Variants in DIS3L2 observed in about 807,000 individuals in gnomAD.
DIS3L2 encodes DIS3 like 3'-5' exoribonuclease 2, also known as DIS3-like exonuclease 2.
DIS3L2 carries 34 observed loss-of-function variants against 97.5 expected under a neutral mutation model. The observed-to-expected ratio is 0.35, with a 90% confidence interval of 0.27 to 0.46. The LOEUF (loss-of-function observed/expected upper bound fraction) is 0.46, where lower values mean the gene tolerates loss of function less well. Among genes scored for constraint, DIS3L2 ranks in the 20% least tolerant of loss-of-function variants. The pLI is 1.00. For missense variants in DIS3L2, 1,038 were observed against 1,146.0 expected (o/e 0.91, Z 1.36); for synonymous variants, 435 against 445.2 (o/e 0.98, Z 0.29).
At chr2:232,274,985 G>A (rs1694103774) in intron 13 of DIS3L2, among the ~76,000 whole-genome samples, 1 of 152,104 alleles carries the variant, frequency 6.6e-6, no homozygotes, top group African/African-American at 2.4e-5. Context: ...AAATCTAAGT[G>A]CCCCAGCCTT....
chr2:232,263,108 TA>T, intron 12 of DIS3L2, 98 bp from the exon 13 acceptor site: 1 of 1,266,612 alleles, frequency 7.9e-7, no homozygotes. Context: ...CAGTGCTCAA[TA>T]AATCTTTGTT....
intron 6 of DIS3L2, among the ~76,000 whole-genome samples, chr2:232,091,106 T>G (rs1310954255): frequency 6.6e-6 from 1 of 152,224 alleles, no homozygotes; most frequent in Non-Finnish European, 1.5e-5. Context: ...TTTTACCACT[T>G]TACAAGCAGT....
intron 14 of DIS3L2, 28 bp from the exon 15 acceptor site, chr2:232,329,785 T>TGCCCGGGGGGGGA: frequency 1.0e-6 from 1 of 967,144 alleles, no homozygotes; most frequent in Non-Finnish European, 1.5e-6. Flanking sequence ...ACCCCAGCGG[T>TGCCCGGGGGGGGA]CCCTCCCATC....
intron 1 of DIS3L2, among the ~76,000 whole-genome samples, chr2:231,978,077 G>T (rs563120864): frequency 3.5e-4 from 54 of 152,258 alleles, no homozygotes; most frequent in Non-Finnish European, 6.3e-4. Flanking sequence ...GATTTTCAGT[G>T]GAAAAGATTG....
rs79410303 is a variant in DIS3L2, at chr2:232,136,961, A to G, written c.950+242A>G. On this transcript the variant is annotated intron_variant, in intron 8 of 20. Coordinates refer to ENST00000325385, the MANE Select transcript of DIS3L2 (RefSeq NM_152383.5). The stretch of plus-strand genomic sequence containing the variant: ...TTGTTTTTTGGCGTAAAACATGAAC[A>G]TTCCGAGCCTCTACTTATTTAGTTA... 0.056 allele frequency among the ~76,000 whole-genome samples: 8,532 copies of G among 152,194 alleles called. 335 individuals are homozygous for G. Among genetic ancestry groups the G allele is most frequent in the Non-Finnish European group, 0.087 (5,939 of 67,980 alleles).
intron 6 of DIS3L2, among the ~76,000 whole-genome samples, chr2:232,120,373 G>C (rs1409560878): frequency 1.3e-5 from 2 of 152,128 alleles, no homozygotes; most frequent in African/African-American, 4.8e-5. Flanking sequence ...CCATGGGCAA[G>C]CATGTTATTT....
intron 1 of DIS3L2, among the ~76,000 whole-genome samples, chr2:231,987,823 G>T (rs1693461228): frequency 6.6e-6 from 1 of 152,050 alleles, no homozygotes; most frequent in Non-Finnish European, 1.5e-5. Context: ...AATGATTTTG[G>T]TCATTTTTCT....
In DIS3L2 at chr2:232,134,698, GACAC is replaced by G. The variant is rs1370367912; in HGVS notation, c.703-1769_703-1766del. 2.6e-5 allele frequency among the ~76,000 whole-genome samples: 4 copies of G among 152,128 alleles called. No homozygotes were observed. In the East Asian group the frequency reaches 7.7e-4, roughly 29 times the overall value. On this transcript the variant is annotated intron_variant, in intron 7 of 20. Transcript: ENST00000325385. ...AAATTAGCCAGGCGTGGTGACTGGT[GACAC>G]ACACCTGTGGTCCCAGAAACTCAGG... is the stretch of plus-strand genomic sequence containing the variant.
chr2:232,140,980 T>G (rs1698494816), intron 8 of DIS3L2, among the ~76,000 whole-genome samples: 1 of 152,152 alleles, frequency 6.6e-6, no homozygotes, highest in Non-Finnish European at 1.5e-5. Flanking sequence ...TGTTATACAT[T>G]ACAACATATT....
chr2:232,025,047 A>G (rs1694620058), intron 4 of DIS3L2, among the ~76,000 whole-genome samples: 1 of 152,212 alleles, frequency 6.6e-6, no homozygotes, highest in African/African-American at 2.4e-5. Context: ...AGTGAAAGAG[A>G]CCAAACTTAT....
chr2:232,248,888 A>G (rs961235343), intron 11 of DIS3L2, among the ~76,000 whole-genome samples: 2 of 152,244 alleles, frequency 1.3e-5, no homozygotes, highest in Non-Finnish European at 2.9e-5. Flanking sequence ...GCTCTTAAGT[A>G]TATGTATAAT....
At chr2:232,191,489 G>T (rs1056246127) in intron 9 of DIS3L2, among the ~76,000 whole-genome samples, 1 of 152,162 alleles carries the variant, frequency 6.6e-6, no homozygotes, top group Non-Finnish European at 1.5e-5. Context: ...TCATGAATTG[G>T]CTTAGAAAGT....
chr2:232,107,144 C>G (rs1697378832), intron 6 of DIS3L2, among the ~76,000 whole-genome samples: 1 of 152,050 alleles, frequency 6.6e-6, no homozygotes, highest in Non-Finnish European at 1.5e-5. Context: ...ACGCCCACAT[C>G]AAAAAGCTAG....
At chr2:232,306,193 A>G (rs1449409104) in intron 14 of DIS3L2, among the ~76,000 whole-genome samples, 3 of 152,124 alleles carry the variant, frequency 2.0e-5, no homozygotes, top group Admixed American at 1.3e-4. Flanking sequence ...TCCATTTCTC[A>G]TAGGAGATGC....
intron 20 of DIS3L2, 171 bp from the exon 21 acceptor site, chr2:232,336,298 G>C (rs375075086): frequency 1.0e-5 from 16 of 1,546,966 alleles, no homozygotes; most frequent in African/African-American, 1.4e-5. Context: ...CCCCAACTCT[G>C]CCCTGACCCA....
intron 14 of DIS3L2, among the ~76,000 whole-genome samples, chr2:232,317,015 C>T (rs1006772499): frequency 6.6e-6 from 1 of 152,188 alleles, no homozygotes; most frequent in Non-Finnish European, 1.5e-5. Flanking sequence ...ACTCTCACAT[C>T]CTTAAGGCAG....
chr2:232,333,856 G>T lies in DIS3L2; in HGVS notation c.2027G>T (p.Cys676Phe). 1 of 1,612,006 alleles carries T rather than the reference G, an allele frequency of 6.2e-7. No homozygotes were observed. Among genetic ancestry groups the T allele is most frequent in the Non-Finnish European group, 8.5e-7 (1 of 1,179,492 alleles). ...SRPMQMALYF[C>F]SGLLQDPAQF... ...GTCCCGCAGATGGCACTGTACTTCTGCTCGGGGCTGCTGCAGGACCCAGCG... is the reference window on the plus strand; with the variant it reads ...GTCCCGCAGATGGCACTGTACTTCTTCTCGGGGCTGCTGCAGGACCCAGCG... The change falls in exon 17 of 21, where the codon TGC becomes TTC. Residue 676 changes from cysteine to phenylalanine, a missense_variant. This residue lies in a region of DIS3L2 where 813 missense variants were observed against 880.1 expected (regional missense o/e 0.92). Transcript: ENST00000325385.
chr2:232,204,463 A>G (rs1691976665), intron 9 of DIS3L2, among the ~76,000 whole-genome samples: 1 of 152,168 alleles, frequency 6.6e-6, no homozygotes, highest in Admixed American at 6.5e-5. Context: ...AGTTCTTCTA[A>G]GCCCTTCAGT....
chr2:232,265,299 T>C (rs1471699358), intron 13 of DIS3L2, among the ~76,000 whole-genome samples: 2 of 152,234 alleles, frequency 1.3e-5, no homozygotes, highest in Non-Finnish European at 2.9e-5. Flanking sequence ...CCCTGGGATC[T>C]ACCCAACCTT....
Sources: gnomAD v4.1 joint callset for allele counts (sites outside exome capture counted in the v4.1 genomes callset) on GRCh38, gnomAD v4.1.1 for gene constraint, gnomAD v4.1.1 regional missense constraint, MANE v1.5 for transcripts, NCBI Gene and HGNC (gene_info 2026-07-23, HGNC 2026-07-21) for gene names.